The following RIPOR2 variants were observed in gnomAD, a reference collection of about 807,000 sequenced individuals.
RIPOR2 encodes the protein rho family-interacting cell polarization regulator 2.
In RIPOR2, 39 loss-of-function variants were observed where a neutral mutation model predicts 114.5. The ratio of observed to expected loss-of-function variants is 0.34; its 90% CI spans 0.26 to 0.44. RIPOR2 has a LOEUF of 0.44. RIPOR2 is among the 20% of genes least tolerant of loss of function. RIPOR2 has a pLI of 1.00. For missense variants in RIPOR2, 1,007 were observed against 1,255.1 expected (o/e 0.80, Z 2.99); for synonymous variants, 445 against 484.4 (o/e 0.92, Z 1.07).
chr6:25,035,641 G>A (rs533243428), intron 1 of RIPOR2, among the ~76,000 whole-genome samples: 156 of 152,248 alleles, frequency 1.0e-3, no homozygotes, highest in Admixed American at 5.6e-3. Flanking sequence ...GGAGGAGGCC[G>A]GGGGAGAAAC....
chr6:24,862,315 T>G (rs760080802), intron 7 of RIPOR2, among the ~76,000 whole-genome samples: 2 of 152,208 alleles, frequency 1.3e-5, no homozygotes, highest in Non-Finnish European at 2.9e-5. Flanking sequence ...CTCCCTCAGT[T>G]GCCAGCCTCC....
chr6:24,838,666 T>G (rs891158210), intron 14 of RIPOR2, among the ~76,000 whole-genome samples: 5 of 152,034 alleles, frequency 3.3e-5, no homozygotes, highest in Non-Finnish European at 7.4e-5. Flanking sequence ...TGGTGGCGGG[T>G]GCCTGTAGTC....
chr6:24,839,781 A>G (rs1175499088), intron 13 of RIPOR2: 1 of 1,388,400 alleles, frequency 7.2e-7, no homozygotes, highest in African/African-American at 1.5e-5. Context: ...AATACTGACC[A>G]ATCTCTAATT....
chr6:24,849,079 AT>A (rs1218435179), intron 11 of RIPOR2, among the ~76,000 whole-genome samples: 1 of 151,968 alleles, frequency 6.6e-6, no homozygotes, highest in African/African-American at 2.4e-5. Context: ...TAATTTTTGT[AT>A]TTTTAGTAAA....
rs1765342686 is a variant in RIPOR2, at chr6:24,872,894, C to A, written c.410G>T (p.Arg137Ile). ...KLTAQLKDMK[R>I]NSRLGVLYDL... is the part of the protein sequence containing the mutation. Reference sequence around the variant, plus strand: ...CATAGTACCTACCAGGCGAGAGTTTCTTTTCATATCTTTTAACTGAGCTGT... The same window carrying A: ...CATAGTACCTACCAGGCGAGAGTTTATTTTCATATCTTTTAACTGAGCTGT... The change falls in exon 4 of 22, where the codon AGA becomes ATA. Residue 137 changes from arginine to isoleucine, a missense_variant. Arg to Ile is a moderately conservative substitution (Grantham distance 97, BLOSUM62 -3). Coordinates refer to ENST00000643898, the MANE Select transcript of RIPOR2 (RefSeq NM_001286445.3). 6.2e-7 allele frequency: 1 copy of A among 1,609,856 alleles called. No individual in the cohort carries two copies. Among genetic ancestry groups the A allele is most frequent in the East Asian group, 2.2e-5 (1 of 44,878 alleles).
chr6:25,038,496 G>A (rs1459652009), intron 1 of RIPOR2, among the ~76,000 whole-genome samples: 6 of 152,238 alleles, frequency 3.9e-5, no homozygotes, highest in South Asian at 2.1e-4. Flanking sequence ...TTAAAGAAGA[G>A]TCTATAAGCA....
chr6:24,968,471 T>G (rs912215591), intron 1 of RIPOR2, among the ~76,000 whole-genome samples: 10 of 152,192 alleles, frequency 6.6e-5, no homozygotes, highest in African/African-American at 2.4e-4. Context: ...GGATTAGAAC[T>G]TGAGTCTGCA....
At chr6:25,022,900 A>C (rs774849030) in intron 1 of RIPOR2, among the ~76,000 whole-genome samples, 1 of 152,206 alleles carries the variant, frequency 6.6e-6, no homozygotes, top group African/African-American at 2.4e-5. Context: ...TGTCAAAGAC[A>C]GGTGAAGACA....
chr6:25,026,178 G>T (rs1776612552), intron 1 of RIPOR2, among the ~76,000 whole-genome samples: 2 of 152,014 alleles, frequency 1.3e-5, no homozygotes, highest in Admixed American at 6.6e-5. Flanking sequence ...CTACATAAAA[G>T]GTTTCTTATT....
intron 1 of RIPOR2, among the ~76,000 whole-genome samples, chr6:24,925,303 T>C (rs1005672456): frequency 6.6e-6 from 1 of 152,236 alleles, no homozygotes; most frequent in Admixed American, 6.5e-5. Context: ...GCTATCTGTG[T>C]CTACTGCATT....
chr6:24,842,130 T>C (rs2113726944), intron 13 of RIPOR2, among the ~76,000 whole-genome samples: 1 of 152,266 alleles, frequency 6.6e-6, no homozygotes, highest in Non-Finnish European at 1.5e-5. Context: ...GGGACAACAA[T>C]TCAAATCTGT....
At chr6:24,892,424 C>T (rs1401475076) in intron 1 of RIPOR2, among the ~76,000 whole-genome samples, 3 of 152,092 alleles carry the variant, frequency 2.0e-5, no homozygotes, top group Non-Finnish European at 4.4e-5. Context: ...TATGCTCACA[C>T]CCAGGACGTA....
At chr6:24,951,475 C>T (rs1384251983) in intron 1 of RIPOR2, among the ~76,000 whole-genome samples, 1 of 152,156 alleles carries the variant, frequency 6.6e-6, no homozygotes, top group East Asian at 1.9e-4. Flanking sequence ...GATAAGACTT[C>T]CGTAAAAGGA....
chr6:24,934,563 C>T (rs766189626), intron 1 of RIPOR2, among the ~76,000 whole-genome samples: 1 of 152,170 alleles, frequency 6.6e-6, no homozygotes, highest in Non-Finnish European at 1.5e-5. Flanking sequence ...TTTTCTTCAG[C>T]GAACTTGTAT....
chr6:24,983,595 A>G (rs929682562), intron 1 of RIPOR2, among the ~76,000 whole-genome samples: 7 of 151,902 alleles, frequency 4.6e-5, no homozygotes, highest in East Asian at 1.9e-4. Context: ...TGTCTCTACT[A>G]AAAATACAAA....
intron 1 of RIPOR2, among the ~76,000 whole-genome samples, chr6:24,956,655 C>A (rs865982609): frequency 6.8e-6 from 1 of 146,890 alleles, no homozygotes; most frequent in South Asian, 2.3e-4. Context: ...AGTTTTTAAG[C>A]GGTAGAGGTG....
chr6:24,893,390 C>G (rs888178541), intron 1 of RIPOR2, among the ~76,000 whole-genome samples: 2 of 152,158 alleles, frequency 1.3e-5, no homozygotes, highest in African/African-American at 4.8e-5. Context: ...ACCTTTACCC[C>G]CTTTATGGAG....
rs573355253 is a variant in RIPOR2, at chr6:24,946,276, T to C, written c.77-70459A>G. On this transcript the variant is annotated intron_variant, in intron 1 of 13. Coordinates refer to the RIPOR2 transcript ENST00000510784. ...TTTTAGTAGAGATGAGGTTTCACCA[T>C]GTTGGCCAGGCTGGTCTCAAACTCT... 3.9e-5 allele frequency among the ~76,000 whole-genome samples: 6 copies of C among 152,258 alleles called. No homozygotes were observed. In the South Asian group the frequency reaches 6.2e-4, roughly 16 times the overall value.
intron 1 of RIPOR2, among the ~76,000 whole-genome samples, chr6:24,920,223 A>G (rs1316387135): frequency 2.0e-5 from 3 of 152,240 alleles, no homozygotes; most frequent in Non-Finnish European, 4.4e-5. Context: ...TTAGGAACAT[A>G]GACCAAACAC....
Sources: gnomAD v4.1 joint callset for allele counts (sites outside exome capture counted in the v4.1 genomes callset) on GRCh38, gnomAD v4.1.1 for gene constraint, MANE v1.5 for transcripts, NCBI Gene and HGNC (gene_info 2026-07-23, HGNC 2026-07-21) for gene names.